Variants in DNAH12 observed in about 807,000 individuals in gnomAD.
DNAH12 encodes axonemal beta dynein heavy chain 12.
DNAH12 carries 285 observed loss-of-function variants against 371.5 expected under a neutral mutation model. The ratio of observed to expected loss-of-function variants is 0.77; its 90% CI spans 0.70 to 0.85. The LOEUF (loss-of-function observed/expected upper bound fraction) is 0.85, where lower values mean the gene tolerates loss of function less well. Ranked by LOEUF, DNAH12 falls within the 40% of genes least tolerant of loss-of-function variation. The pLI, the probability that DNAH12 is intolerant of heterozygous loss-of-function variation, is 0.00. For synonymous variants in DNAH12, 1,200 were observed against 1,213.0 expected (o/e 0.99, Z 0.22); for missense variants, 3,611 against 3,689.4 (o/e 0.98, Z 0.55).
At chr3:57,498,891 C>T (rs2067409039) in intron 11 of DNAH12, among the ~76,000 whole-genome samples, 1 of 151,894 alleles carries the variant, frequency 6.6e-6, no homozygotes, top group Non-Finnish European at 1.5e-5. Flanking sequence ...CCCAGCTACT[C>T]GGGCGGCTGA....
chr3:57,304,188 G>A (rs771582475), intron 69 of DNAH12, among the ~76,000 whole-genome samples: 12 of 151,948 alleles, frequency 7.9e-5, no homozygotes, highest in Admixed American at 2.6e-4. Flanking sequence ...CTCAGCCTGC[G>A]TGCACCCAGG....
chr3:57,544,397 C>G (rs1229740675), upstream of DNAH12: 1 of 152,214 alleles, frequency 6.6e-6, no homozygotes, highest in Non-Finnish European at 1.5e-5. Flanking sequence ...GTGGCGGCCC[C>G]AGCTGGAGGG....
At chr3:57,492,044 C>G (rs1478928976) in intron 11 of DNAH12, among the ~76,000 whole-genome samples, 1 of 151,986 alleles carries the variant, frequency 6.6e-6, no homozygotes, top group Admixed American at 6.6e-5. Context: ...TGCCTTTAAT[C>G]CTTGCTACTT....
At chr3:57,408,955 A>G (rs2064123202) in intron 39 of DNAH12, among the ~76,000 whole-genome samples, 3 of 152,206 alleles carry the variant, frequency 2.0e-5, no homozygotes, top group Non-Finnish European at 4.4e-5. Context: ...GTAATTATTA[A>G]TAACACTCCC....
intron 70 of DNAH12, chr3:57,297,227 A>C: frequency 2.0e-6 from 1 of 490,320 alleles, no homozygotes; most frequent in Non-Finnish European, 3.6e-6. Flanking sequence ...GAAGAGTCAA[A>C]TCTTCTGCAA....
chr3:57,390,424 A>AAAAAAAAAAAATAT, intron 45 of DNAH12, among the ~76,000 whole-genome samples: 1 of 33,438 alleles, frequency 3.0e-5, no homozygotes, highest in African/African-American at 6.3e-5. Context: ...AAAAAAAAAA[A>AAAAAAAAAAAATAT]ATATATATAT....
intron 11 of DNAH12, among the ~76,000 whole-genome samples, chr3:57,492,583 C>T (rs2067165970): frequency 6.6e-6 from 1 of 151,962 alleles, no homozygotes; most frequent in Non-Finnish European, 1.5e-5. Flanking sequence ...CAGAAACTGA[C>T]AAAGAAATCC....
chr3:57,390,432 T>TATATATATATATATAC lies in DNAH12; in HGVS notation c.7305+1439_7305+1440insGTATATATATATATAT, dbSNP rs2063596702. Among the ~76,000 whole-genome samples the TATATATATATATATAC allele has an allele frequency of 1.4e-4, 5 of 35,744 alleles. 1 individual carries two copies. Among genetic ancestry groups the TATATATATATATATAC allele is most frequent in the Admixed American group, 1.0e-3 (3 of 2,986 alleles). The allele number at this position is 35,744 out of a possible 152,430, so 23.4% of individuals were successfully genotyped here. On this transcript the variant is annotated intron_variant, in intron 45 of 73. Coordinates refer to ENST00000495027, the MANE Select transcript of DNAH12 (RefSeq NM_001366028.2). ...TCAAAAAAAAAAAAAAAAATATATA[T>TATATATATATATATAC]ATATATATATATATATATACTTAGA...
In DNAH12 at chr3:57,417,019, G is replaced by A. The variant is rs1293031771; in HGVS notation, c.5715-1455C>T. The stretch of plus-strand genomic sequence containing the variant: ...TAATCCCAGCACTTTGGGAGGCCGA[G>A]GCAGGTGGATTACCTGAGGTCAGGA... On this transcript the variant is annotated intron_variant, in intron 37 of 73. Coordinates refer to ENST00000495027, the MANE Select transcript of DNAH12 (RefSeq NM_001366028.2). Among the ~76,000 whole-genome samples, 4 of 152,178 alleles carry A rather than the reference G, an allele frequency of 2.6e-5. No individual in the cohort carries two copies. The South Asian group carries it at 8.3e-4, about 32-fold the overall frequency.
At chr3:57,387,954 A>T (rs1239425706) in intron 45 of DNAH12, among the ~76,000 whole-genome samples, 2 of 151,924 alleles carry the variant, frequency 1.3e-5, no homozygotes, top group Non-Finnish European at 2.9e-5. Flanking sequence ...TTTTCATATG[A>T]CAGTTAAAAA....
At chr3:57,365,828 G>C (rs2063038558) in intron 57 of DNAH12, among the ~76,000 whole-genome samples, 1 of 148,974 alleles carries the variant, frequency 6.7e-6, no homozygotes, top group Non-Finnish European at 1.5e-5. Flanking sequence ...CTTTTGCTAA[G>C]CATTTTCTTA....
At position 57,471,596 on chromosome 3, in the gene DNAH12, T is replaced by C; in HGVS notation, c.1787A>G (p.Asn596Ser). 1 of 1,537,442 alleles carries C rather than the reference T, an allele frequency of 6.5e-7. No individual in the cohort carries two copies. The highest frequency in any genetic ancestry group is 8.7e-7 in the Non-Finnish European group (1 of 1,143,140). The change falls in exon 15 of 74, where the codon AAT becomes AGT. Residue 596 changes from asparagine to serine, a missense_variant. By Grantham distance (46) the Asn-to-Ser change is conservative (BLOSUM62 1). Transcript: ENST00000495027. Reference sequence around the variant, plus strand: ...TTCATTTTCTTTTTTATGTTTAGCATTCTCAATTAGCTTTTTAAAAGACAA... The same window carrying C: ...TTCATTTTCTTTTTTATGTTTAGCACTCTCAATTAGCTTTTTAAAAGACAA... The part of the protein sequence containing the change: ...IFDENDELIE[N>S]AKHKKENELM...
At position 57,330,016 on chromosome 3, in the gene DNAH12, T is replaced by G. The variant is rs867795826; in HGVS notation, c.9978+4449A>C. Among the ~76,000 whole-genome samples the G allele has an allele frequency of 7.6e-3, 1,148 of 150,448 alleles. 6 individuals carry two copies. The highest frequency in any genetic ancestry group is 0.027 in the African/African-American group (1,088 of 40,066). Reference sequence around the variant, plus strand: ...TGCAAATCAAAACCACAATGAGATATCATCTCATACCAGTTAGAATGGCAA... The same window carrying G: ...TGCAAATCAAAACCACAATGAGATAGCATCTCATACCAGTTAGAATGGCAA... On this transcript the variant is annotated intron_variant, in intron 62 of 73. Transcript: ENST00000495027.
At chr3:57,520,447 A>T (rs1237849499) in intron 4 of DNAH12, among the ~76,000 whole-genome samples, 32 of 33,338 alleles carry the variant, frequency 9.6e-4, no homozygotes, top group African/African-American at 7.8e-3. Flanking sequence ...ATTTATTATT[A>T]TTATTTTTTT....
At chr3:57,536,889 C>T (rs1316695200) in intron 2 of DNAH12, among the ~76,000 whole-genome samples, 1 of 152,240 alleles carries the variant, frequency 6.6e-6, no homozygotes, top group African/African-American at 2.4e-5. Flanking sequence ...AGCCTTTTCA[C>T]TACCTGACTG....
chr3:57,390,246 C>G (rs2063587056), intron 45 of DNAH12, among the ~76,000 whole-genome samples: 1 of 142,584 alleles, frequency 7.0e-6, no homozygotes, highest in South Asian at 2.4e-4. Context: ...AACCCTGTCT[C>G]TATAAAAAAT....
intron 55 of DNAH12, among the ~76,000 whole-genome samples, chr3:57,374,791 A>C (rs1332578803): frequency 4.6e-5 from 7 of 152,180 alleles, no homozygotes; most frequent in African/African-American, 1.7e-4. Flanking sequence ...AGCCTTACCC[A>C]ATAACATATA....
At chr3:57,433,882 T>C (rs2065036921) in intron 30 of DNAH12, 54 bp from the exon 31 acceptor site, 1 of 1,370,324 alleles carries the variant, frequency 7.3e-7, no homozygotes, top group Non-Finnish European at 9.5e-7. Flanking sequence ...AGTTAAATAA[T>C]TTATATCAGT....
At chr3:57,338,300 G>A (rs924097061) in intron 60 of DNAH12, among the ~76,000 whole-genome samples, 11 of 152,204 alleles carry the variant, frequency 7.2e-5, no homozygotes, top group South Asian at 4.1e-4. Flanking sequence ...ACGGAGTCTC[G>A]GTCACTTAGT....
Sources: allele counts gnomAD v4.1 joint callset (sites outside exome capture counted in the v4.1 genomes callset), GRCh38; gene constraint gnomAD v4.1.1; transcripts MANE v1.5; gene names NCBI Gene and HGNC (gene_info 2026-07-23, HGNC 2026-07-21).